PDE7B: variants seen among roughly 807,000 people sequenced by gnomAD.
The protein encoded by PDE7B is 3',5'-cyclic-AMP phosphodiesterase 7B.
A neutral mutation model predicts 56.2 loss-of-function variants in PDE7B; 29 were observed. The observed-to-expected ratio is 0.52, with a 90% CI of 0.38 to 0.70. PDE7B has a LOEUF of 0.70. Among genes scored for constraint, PDE7B ranks in the 30% least tolerant of loss-of-function variants. The probability of loss-of-function intolerance (pLI) is 0.00; values close to 1 mark genes in which losing one functional copy is unlikely to be tolerated. For missense variants in PDE7B, 490 were observed against 565.0 expected (o/e 0.87, Z 1.35); for synonymous variants, 197 against 196.9 (o/e 1.00, Z 0.00).
chr6:135,916,550 G>T (rs1020431400), intron 1 of PDE7B, among the ~76,000 whole-genome samples: 2 of 151,536 alleles, frequency 1.3e-5, no homozygotes, highest in African/African-American at 4.8e-5. Context: ...CCGCCACCAT[G>T]CCTGGCTAAT....
chr6:136,018,621 T>G (rs1309829502), intron 2 of PDE7B, among the ~76,000 whole-genome samples: 4 of 152,082 alleles, frequency 2.6e-5, no homozygotes, highest in Non-Finnish European at 5.9e-5. Context: ...CACAAGTAAC[T>G]CAAAACAAAA....
At chr6:136,092,086 T>C (rs557002676) in intron 2 of PDE7B, among the ~76,000 whole-genome samples, 2 of 152,356 alleles carry the variant, frequency 1.3e-5, no homozygotes, top group Non-Finnish European at 2.9e-5. Context: ...CATTACTTTA[T>C]ATTGCTCACA....
chr6:136,042,234 G>A (rs1227870906), intron 2 of PDE7B, among the ~76,000 whole-genome samples: 1 of 152,200 alleles, frequency 6.6e-6, no homozygotes, highest in Non-Finnish European at 1.5e-5. Flanking sequence ...GCACCCATGT[G>A]GGGAGTGGGG....
chr6:136,104,858 C>G (rs968156826), intron 2 of PDE7B, among the ~76,000 whole-genome samples: 2 of 152,202 alleles, frequency 1.3e-5, no homozygotes, highest in Admixed American at 1.3e-4. Flanking sequence ...TATGAGGAAT[C>G]AGCTTCTCAA....
Position 135,979,389 on chromosome 6 carries a change from C to T in PDE7B, c.82+31865C>T, listed in dbSNP as rs1297494396. ...TTTGGTATCAGGATGATGCTGGCCT[C>T]ATAAAATGAGTTAGGGAGGATTCCC... On this transcript the variant is annotated intron_variant, in intron 2 of 12. Transcript: ENST00000308191. 8.6e-5 allele frequency among the ~76,000 whole-genome samples: 13 copies of T among 151,542 alleles called. No individual in the cohort carries two copies. In the East Asian group the frequency reaches 1.5e-3, roughly 18 times the overall value.
chr6:136,049,270 T>A (rs1366901217), intron 2 of PDE7B: 1 of 152,246 alleles, frequency 6.6e-6, no homozygotes, highest in African/African-American at 2.4e-5. Flanking sequence ...ACCCAGCTAA[T>A]TTTTTTATTT....
At chr6:135,934,858 T>A (rs1774375242) in intron 1 of PDE7B, among the ~76,000 whole-genome samples, 1 of 113,782 alleles carries the variant, frequency 8.8e-6, no homozygotes, top group African/African-American at 3.6e-5. Context: ...TAAATAAATA[T>A]ATATAAAAAT....
intron 1 of PDE7B, among the ~76,000 whole-genome samples, chr6:135,943,733 A>G (rs1380839779): frequency 1.3e-5 from 2 of 152,210 alleles, no homozygotes; most frequent in African/African-American, 2.4e-5. Context: ...CCTAATCCAC[A>G]AAGATTTATG....
intron 2 of PDE7B, among the ~76,000 whole-genome samples, chr6:136,052,287 A>C (rs1776643207): frequency 2.0e-5 from 3 of 152,324 alleles, no homozygotes; most frequent in Middle Eastern, 6.8e-3. Flanking sequence ...AGGGGAAGCA[A>C]AAATGATTAC....
At chr6:136,126,083 T>A (rs994141807) in intron 3 of PDE7B, among the ~76,000 whole-genome samples, 1 of 152,190 alleles carries the variant, frequency 6.6e-6, no homozygotes, top group Non-Finnish European at 1.5e-5. Context: ...ATAATCACCC[T>A]TGAAGGCCTA....
intron 2 of PDE7B, among the ~76,000 whole-genome samples, chr6:136,036,274 T>A (rs1776324781): frequency 6.6e-6 from 1 of 152,210 alleles, no homozygotes; most frequent in African/African-American, 2.4e-5. Context: ...ATCTTTCTAA[T>A]CAAGTAGACC....
intron 2 of PDE7B, among the ~76,000 whole-genome samples, chr6:135,963,791 G>C (rs1470551590): frequency 3.3e-5 from 5 of 152,102 alleles, no homozygotes; most frequent in African/African-American, 1.2e-4. Flanking sequence ...TTTTATACTT[G>C]ATTTGTCTTT....
At chr6:136,059,262 A>G (rs1195626494) in intron 2 of PDE7B, among the ~76,000 whole-genome samples, 2 of 152,198 alleles carry the variant, frequency 1.3e-5, no homozygotes, top group Non-Finnish European at 2.9e-5. Flanking sequence ...ACTAGGCATA[A>G]ATGGGTTGAG....
intron 1 of PDE7B, among the ~76,000 whole-genome samples, chr6:135,892,809 C>T (rs1034805577): frequency 6.6e-6 from 1 of 152,126 alleles, no homozygotes; most frequent in Non-Finnish European, 1.5e-5. Context: ...TTCTCAGTAT[C>T]TTTAGTAAAG....
chr6:135,941,087 T>C (rs1244600378), intron 1 of PDE7B, among the ~76,000 whole-genome samples: 2 of 152,160 alleles, frequency 1.3e-5, no homozygotes, highest in Non-Finnish European at 2.9e-5. Flanking sequence ...AGAAAGGAAG[T>C]GAGGGTGGGG....
rs552768232 is a variant in PDE7B at position 135,891,637 on chromosome 6, C to G, written c.21+39618C>G. On this transcript the variant is annotated intron_variant, in intron 1 of 12. Transcript: ENST00000308191. ...GTGTTTCAAAATGTGCATTCTCAGGCTCCACTGCCAGCCATTTTCATTCAT... is the reference window on the plus strand; with the variant it reads ...GTGTTTCAAAATGTGCATTCTCAGGGTCCACTGCCAGCCATTTTCATTCAT... 1.5e-3 allele frequency among the ~76,000 whole-genome samples: 228 copies of G among 152,298 alleles called. 1 individual carries two copies. Among genetic ancestry groups the G allele is most frequent in the African/African-American group, 5.1e-3 (210 of 41,572 alleles).
chr6:135,888,384 T>C (rs1775747021), intron 1 of PDE7B, among the ~76,000 whole-genome samples: 1 of 152,180 alleles, frequency 6.6e-6, no homozygotes, highest in Non-Finnish European at 1.5e-5. Context: ...TGCTACTGGA[T>C]AATTATCTTT....
intron 1 of PDE7B, among the ~76,000 whole-genome samples, chr6:135,858,524 C>T (rs1385052473): frequency 6.6e-6 from 1 of 152,072 alleles, no homozygotes; most frequent in East Asian, 1.9e-4. Flanking sequence ...CTCCCATGTA[C>T]CTTTGACATG....
intron 2 of PDE7B, among the ~76,000 whole-genome samples, chr6:135,971,944 A>G (rs1260925703): frequency 6.6e-6 from 1 of 152,154 alleles, no homozygotes; most frequent in Non-Finnish European, 1.5e-5. Context: ...GCTATAGTAA[A>G]CAGGGATGTG....
Sources: allele counts gnomAD v4.1 joint callset (sites outside exome capture counted in the v4.1 genomes callset), GRCh38; gene constraint gnomAD v4.1.1; transcripts MANE v1.5; gene names NCBI Gene and HGNC (gene_info 2026-07-23, HGNC 2026-07-21).